Variants in ZC3H14 observed in about 807,000 individuals in gnomAD.
The protein encoded by ZC3H14 is zinc finger CCCH domain-containing protein 14.
Under a neutral mutation model 92.4 loss-of-function variants are expected in ZC3H14, and 31 were observed. The observed-to-expected ratio is 0.34, with a 90% CI of 0.25 to 0.45. The LOEUF is 0.45. ZC3H14 is among the 20% of genes least tolerant of loss of function. The pLI is 1.00. For synonymous variants in ZC3H14, 321 were observed against 300.9 expected (o/e 1.07, Z -0.69); for missense variants, 781 against 897.3 (o/e 0.87, Z 1.66).
intron 9 of ZC3H14, chr14:88,594,558 T>C (rs1055120817): frequency 6.8e-7 from 1 of 1,459,964 alleles, no homozygotes; most frequent in Non-Finnish European, 9.0e-7. Context: ...ACCCCATCTT[T>C]TGAATTACAG....
chr14:88,578,156 A>G lies in ZC3H14; in HGVS notation c.1279+16A>G, dbSNP rs746277987. 3.1e-6 allele frequency: 5 copies of G among 1,613,450 alleles called. No homozygotes were observed. The African/African-American group carries it at 6.7e-5, about 22-fold the overall frequency. On this transcript the variant is annotated intron_variant, in intron 9 of 16. Transcript: ENST00000251038. ...AAAAATCAAGGTAATAACTTAAATGATGTTTCACTCTTTACTACAGTTTTT... is the reference window on the plus strand; with the variant it reads ...AAAAATCAAGGTAATAACTTAAATGGTGTTTCACTCTTTACTACAGTTTTT...
intron 10 of ZC3H14, among the ~76,000 whole-genome samples, chr14:88,598,907 C>T (rs1189496232): frequency 2.0e-5 from 3 of 152,128 alleles, no homozygotes; most frequent in African/African-American, 4.8e-5. Context: ...GCCAACATGG[C>T]GAAACCCAAT....
chr14:88,571,514 G>C (rs907561186), intron 4 of ZC3H14, among the ~76,000 whole-genome samples: 48 of 152,014 alleles, frequency 3.2e-4, no homozygotes, highest in African/African-American at 1.1e-3. Flanking sequence ...GAATATACAC[G>C]CATAAGATAC....
chr14:88,622,537 G>T lies in ZC3H14; in HGVS notation c.*10786G>T. The T allele has an allele frequency of 1.6e-6, 2 of 1,253,776 alleles. No individual in the cohort carries two copies. Among genetic ancestry groups the T allele is most frequent in the Non-Finnish European group, 2.2e-6 (2 of 911,804 alleles). 77.7% of individuals were successfully genotyped at this position (1,253,776 alleles called of 1,614,324 possible). Reference sequence around the variant, plus strand: ...TATTGTTCATTAGGCTGCAAAGGGTGAGGGAATCACAGTAATAACCACTTT... The same window carrying T: ...TATTGTTCATTAGGCTGCAAAGGGTTAGGGAATCACAGTAATAACCACTTT... On this transcript the variant is annotated 3_prime_UTR_variant, in exon 17 of 17. Transcript: ENST00000251038.
Position 88,601,999 on chromosome 14 carries a change from AAGT to A in ZC3H14, c.1437_1439del (p.Val480del), listed in dbSNP as rs1226271876. The A allele has an allele frequency of 1.2e-6, 2 of 1,614,168 alleles. No homozygotes were observed. Among genetic ancestry groups the A allele is most frequent in the East Asian group, 2.2e-5 (1 of 44,882 alleles). Reference sequence around the variant, plus strand: ...CTGAAGAAGCCAAAGCTGTCTGAGGAAGTAGTAGTGGCACCAAACCAAGAGTCG... The same window carrying A: ...CTGAAGAAGCCAAAGCTGTCTGAGGAAGTAGTGGCACCAAACCAAGAGTCG... On this transcript the variant is annotated inframe_deletion, in exon 11 of 17. Transcript: ENST00000251038.
rs1185750897 is a variant in ZC3H14 at position 88,611,915 on chromosome 14, G to GTAAGT, written c.*166_*170dup. The GTAAGT allele has an allele frequency of 3.1e-6, 3 of 965,254 alleles. No homozygotes were observed. Among genetic ancestry groups the GTAAGT allele is most frequent in the African/African-American group, 1.7e-5 (1 of 59,654 alleles). 59.8% of individuals were successfully genotyped at this position (965,254 alleles called of 1,614,324 possible). ...CTGAAGTGTCTAATTTTTCAAGTTT[G>GTAAGT]TAAGTTTATTATGTGGTTTTAACAT... is the stretch of plus-strand genomic sequence containing the variant. On this transcript the variant is annotated 3_prime_UTR_variant, in exon 17 of 17. Transcript: ENST00000251038.
intron 8 of ZC3H14, among the ~76,000 whole-genome samples, chr14:88,576,528 C>G (rs558222027): frequency 7.9e-5 from 12 of 152,306 alleles, no homozygotes; most frequent in African/African-American, 2.9e-4. Context: ...GTAAGCTGGT[C>G]TTACGGAAAG....
chr14:88,575,717 C>T (rs1288282806), intron 7 of ZC3H14, 123 bp from the exon 8 acceptor site: 13 of 756,608 alleles, frequency 1.7e-5, no homozygotes, highest in Non-Finnish European at 2.8e-5. Context: ...TTGGCATTTT[C>T]TAAAAACTGC....
intron 9 of ZC3H14, chr14:88,594,891 A>G (rs778014306): frequency 1.2e-6 from 2 of 1,613,944 alleles, no homozygotes; most frequent in Admixed American, 3.3e-5. Flanking sequence ...AAATTAAAGG[A>G]ATGAAAGCAG....
At position 88,613,231 on chromosome 14, in the gene ZC3H14, G is replaced by C. The variant is rs1267482038; in HGVS notation, c.*1480G>C. On this transcript the variant is annotated 3_prime_UTR_variant, in exon 17 of 17. Transcript: ENST00000251038. The stretch of plus-strand genomic sequence containing the variant: ...AAAGACAGAGCACACAAGTGCATAA[G>C]GCTGTTGTCTTCGGCTTGGGTGAAA... 1 of 152,128 alleles carries C rather than the reference G, an allele frequency of 6.6e-6. No homozygotes were observed. Among genetic ancestry groups the C allele is most frequent in the Admixed American group, 6.5e-5 (1 of 15,280 alleles). The allele number at this position is 152,128 out of a possible 1,614,324, so 9.4% of individuals were successfully genotyped here.
intron 4 of ZC3H14, among the ~76,000 whole-genome samples, chr14:88,571,766 C>T (rs1266902374): frequency 7.9e-5 from 12 of 152,090 alleles, no homozygotes; most frequent in Non-Finnish European, 1.8e-4. Flanking sequence ...TGGAGACCAT[C>T]TTGGCCAACC....
rs529098709 is a variant in ZC3H14 at position 88,604,834 on chromosome 14, TCCAC to T, written c.1747+1776_1747+1779del. On this transcript the variant is annotated intron_variant, in intron 12 of 16. Coordinates refer to ENST00000251038, the MANE Select transcript of ZC3H14 (RefSeq NM_024824.5). ...ATCTCCAACTCCTGACCTCAAGTGA[TCCAC>T]CAACCTCGGCCTCCCAAAGTTCTGG... 3.0e-3 allele frequency among the ~76,000 whole-genome samples: 463 copies of T among 152,254 alleles called. 3 individuals are homozygous for T. Among genetic ancestry groups the T allele is most frequent in the Non-Finnish European group, 5.3e-3 (359 of 68,020 alleles).
rs1263017027 is a variant in ZC3H14, at chr14:88,609,298, T to C, written c.1900T>C (p.Cys634Arg). 1 of 1,613,940 alleles carries C rather than the reference T, an allele frequency of 6.2e-7. No individual in the cohort carries two copies. Among genetic ancestry groups the C allele is most frequent in the Non-Finnish European group, 8.5e-7 (1 of 1,179,946 alleles). ...AFPNCKFAEK[C>R]LFVHPNCKYD... ...CCCCAATTGTAAATTTGCTGAAAAA[T>C]GTTTGTTTGTTCACCCAAATTGTAA... is the stretch of plus-strand genomic sequence containing the variant. The change falls in exon 14 of 17, where the codon TGT becomes CGT. Residue 634 changes from cysteine to arginine, a missense_variant. By Grantham distance (180) the Cys-to-Arg change is radical. Transcript: ENST00000251038.
chr14:88,581,817 T>C (rs2081945226), intron 9 of ZC3H14, among the ~76,000 whole-genome samples: 1 of 152,174 alleles, frequency 6.6e-6, no homozygotes, highest in East Asian at 1.9e-4. Flanking sequence ...AAATCCACAA[T>C]TTCATAATGA....
chr14:88,577,655 C>T (rs1194891994), intron 8 of ZC3H14, among the ~76,000 whole-genome samples: 3 of 152,108 alleles, frequency 2.0e-5, no homozygotes, highest in East Asian at 3.9e-4. Flanking sequence ...CTGCAACCTC[C>T]GCCTTCCGGG....
rs768253436 is a variant in ZC3H14, at chr14:88,622,737, C to A, written c.*10986C>A. On this transcript the variant is annotated 3_prime_UTR_variant, in exon 17 of 17. Transcript: ENST00000251038. ...TTTTGACCTAAGTAAATAACCAAGC[C>A]AGAGTAAGTGTTCATTATTGGCTAC... is the stretch of plus-strand genomic sequence containing the variant. The A allele has an allele frequency of 6.4e-7, 1 of 1,556,128 alleles. No individual in the cohort carries two copies. The highest frequency in any genetic ancestry group is 8.7e-7 in the Non-Finnish European group (1 of 1,144,484).
chr14:88,563,648 C>T lies in ZC3H14; in HGVS notation c.37-3C>T, dbSNP rs1421325413. The stretch of plus-strand genomic sequence containing the variant: ...ACATGCACGTTTGCTCTTTTTCTCT[C>T]AGAGTGCCATTAAGGGGAAATTACA... On this transcript the variant is annotated splice_region_variant and splice_polypyrimidine_tract_variant and intron_variant, in intron 1 of 16. Transcript: ENST00000251038. The T allele has an allele frequency of 3.1e-6, 5 of 1,614,192 alleles. No individual in the cohort carries two copies. The highest frequency in any genetic ancestry group is 3.4e-6 in the Non-Finnish European group (4 of 1,180,000).
chr14:88,588,508 T>G (rs2082721889), intron 9 of ZC3H14, among the ~76,000 whole-genome samples: 1 of 152,190 alleles, frequency 6.6e-6, no homozygotes, highest in South Asian at 2.1e-4. Flanking sequence ...TGCTGAGAAC[T>G]TGGTTGCCCA....
At position 88,621,042 on chromosome 14, in the gene ZC3H14, T is replaced by C; in HGVS notation, c.*9291T>C. ...AGAATTCTGGCAGTTCTTTAAGTACTAGCAATTTAGAACTTCCAACTTTTC... is the reference window on the plus strand; with the variant it reads ...AGAATTCTGGCAGTTCTTTAAGTACCAGCAATTTAGAACTTCCAACTTTTC... On this transcript the variant is annotated 3_prime_UTR_variant, in exon 17 of 17. Transcript: ENST00000251038. 6.6e-7 allele frequency: 1 copy of C among 1,506,136 alleles called. No individual in the cohort carries two copies. The highest frequency in any genetic ancestry group is 1.3e-5 in the South Asian group (1 of 74,698). 93.3% of individuals were successfully genotyped at this position (1,506,136 alleles called of 1,614,324 possible). A position where few individuals can be genotyped will look rare whatever the true frequency, so the allele number is the denominator to read the frequency against.
Sources: gnomAD v4.1 joint callset for allele counts (sites outside exome capture counted in the v4.1 genomes callset) on GRCh38, gnomAD v4.1.1 for gene constraint, MANE v1.5 for transcripts, NCBI Gene and HGNC (gene_info 2026-07-23, HGNC 2026-07-21) for gene names.